Variants in KANSL1 observed in about 807,000 individuals in gnomAD.
KANSL1 encodes KAT8 regulatory NSL complex subunit 1, also known as MLL1/MLL complex subunit KANSL1.
A neutral mutation model predicts 103.6 loss-of-function variants in KANSL1; 22 were observed. The ratio of observed to expected loss-of-function variants is 0.21; its 90% CI spans 0.15 to 0.30. The LOEUF is 0.30. KANSL1 is among the 10% of genes least tolerant of loss of function. The probability of loss-of-function intolerance (pLI) is 1.00; values close to 1 mark genes in which losing one functional copy is unlikely to be tolerated. For missense variants in KANSL1, 1,337 were observed against 1,399.8 expected (o/e 0.96, Z 0.72); for synonymous variants, 600 against 527.6 (o/e 1.14, Z -1.88).
intron 1 of KANSL1, among the ~76,000 whole-genome samples, chr17:46,183,065 T>C (rs1468020988): frequency 1.3e-5 from 2 of 152,210 alleles, no homozygotes; most frequent in Non-Finnish European, 1.5e-5. Context: ...GCAATCCTCA[T>C]ACAGGCTGAG....
At chr17:46,162,509 A>G (rs1175278966) in intron 2 of KANSL1, among the ~76,000 whole-genome samples, 1 of 152,246 alleles carries the variant, frequency 6.6e-6, no homozygotes, top group Non-Finnish European at 1.5e-5. Context: ...TGACATATCC[A>G]TCCAATGTAG....
At chr17:46,116,713 C>T (rs1279883756) in intron 2 of KANSL1, among the ~76,000 whole-genome samples, 1 of 152,150 alleles carries the variant, frequency 6.6e-6, no homozygotes, top group Admixed American at 6.5e-5. Flanking sequence ...AATCTTTAAC[C>T]TTAACTCTAA....
chr17:46,209,354 G>A (rs1308929355), intron 1 of KANSL1, among the ~76,000 whole-genome samples: 52 of 152,158 alleles, frequency 3.4e-4, no homozygotes, highest in Non-Finnish European at 7.3e-4. Context: ...AGGTAGAGGG[G>A]AAAAGCTATC....
intron 6 of KANSL1, among the ~76,000 whole-genome samples, chr17:46,063,944 C>G (rs941093562): frequency 3.6e-5 from 5 of 140,226 alleles, no homozygotes; most frequent in Non-Finnish European, 6.1e-5. Flanking sequence ...TTAAATTCAT[C>G]AAGGAATTGA....
chr17:46,125,191 G>C (rs72628326), intron 2 of KANSL1, among the ~76,000 whole-genome samples: 5,052 of 152,004 alleles, frequency 0.033, 146 homozygotes, highest in East Asian at 0.15. Flanking sequence ...CCATCAACAT[G>C]GAGATAGGAC....
intron 1 of KANSL1, among the ~76,000 whole-genome samples, chr17:46,183,165 C>T (rs998506008): frequency 1.4e-4 from 21 of 152,302 alleles, no homozygotes; most frequent in Non-Finnish European, 2.2e-4. Context: ...CAGTGGCAGG[C>T]GCCTGTATTT....
chr17:46,173,369 G>A (rs1223293322), intron 1 of KANSL1, among the ~76,000 whole-genome samples: 3 of 152,114 alleles, frequency 2.0e-5, no homozygotes, highest in Non-Finnish European at 4.4e-5. Flanking sequence ...ACACTATTCC[G>A]CATCCTGTTT....
intron 1 of KANSL1, among the ~76,000 whole-genome samples, chr17:46,220,094 C>G (rs1314304466): frequency 1.3e-5 from 2 of 152,062 alleles, no homozygotes; most frequent in East Asian, 1.9e-4. Context: ...CAGAGTGAGG[C>G]TCCGTCTCAA....
rs191444857 is a variant in KANSL1 at position 46,072,460 on chromosome 17, G to A, written c.1534-4793C>T. Among the ~76,000 whole-genome samples, 18 of 152,186 alleles carry A rather than the reference G, an allele frequency of 1.2e-4. No individual in the cohort carries two copies. The East Asian group carries it at 3.5e-3, about 29-fold the overall frequency. The stretch of plus-strand genomic sequence containing the variant: ...AAAATGGAAAGAAAATGCTAACTGG[G>A]TGACAGGAATTTAACTTATTCCTGG... On this transcript the variant is annotated intron_variant, in intron 4 of 14. Coordinates refer to ENST00000432791, the MANE Select transcript of KANSL1 (RefSeq NM_015443.4).
At chr17:46,208,642 T>C (rs1273839001) in intron 1 of KANSL1, among the ~76,000 whole-genome samples, 4 of 140,712 alleles carry the variant, frequency 2.8e-5, no homozygotes, top group Non-Finnish European at 6.1e-5. Flanking sequence ...AAAAAAGATA[T>C]GTAGTACTCC....
At chr17:46,139,285 C>A (rs1245139560) in intron 2 of KANSL1, among the ~76,000 whole-genome samples, 1 of 136,644 alleles carries the variant, frequency 7.3e-6, no homozygotes, top group Non-Finnish European at 1.5e-5. Context: ...AGTTTAAAAT[C>A]TTTCATAGGC....
chr17:46,078,414 AG>A (rs2078865912), intron 4 of KANSL1, among the ~76,000 whole-genome samples: 1 of 152,234 alleles, frequency 6.6e-6, no homozygotes, highest in Non-Finnish European at 1.5e-5. Flanking sequence ...TGTGCAGGTC[AG>A]GGGTGAGCAC....
intron 10 of KANSL1, chr17:46,038,213 G>T: frequency 3.3e-6 from 1 of 305,274 alleles, no homozygotes; most frequent in Non-Finnish European, 6.1e-6. Flanking sequence ...CCACGGAACT[G>T]TTGAGTCCTG....
At chr17:46,066,768 A>G in intron 5 of KANSL1, 36 bp from the exon 6 acceptor site, 1 of 1,447,940 alleles carries the variant, frequency 6.9e-7, no homozygotes, top group South Asian at 1.2e-5. Context: ...CTCAGAACAC[A>G]CAAAGAAACA....
At chr17:46,136,474 C>T (rs1433386785) in intron 2 of KANSL1, among the ~76,000 whole-genome samples, 4 of 152,190 alleles carry the variant, frequency 2.6e-5, no homozygotes, top group Admixed American at 6.5e-5. Context: ...CCTACAAATG[C>T]TAAGGAGTAA....
At chr17:46,116,005 T>C (rs1019932011) in intron 2 of KANSL1, among the ~76,000 whole-genome samples, 2 of 152,194 alleles carry the variant, frequency 1.3e-5, no homozygotes, top group African/African-American at 2.4e-5. Flanking sequence ...TTCTGATTGG[T>C]TTTATAACTC....
intron 1 of KANSL1, among the ~76,000 whole-genome samples, chr17:46,189,748 G>T (rs2047216818): frequency 6.6e-6 from 1 of 152,130 alleles, no homozygotes; most frequent in South Asian, 2.1e-4. Flanking sequence ...AGCTGGGCAT[G>T]GTGGCACACG....
intron 1 of KANSL1, chr17:46,215,219 G>A (rs1364198750): frequency 6.6e-6 from 1 of 152,534 alleles, no homozygotes; most frequent in Non-Finnish European, 1.5e-5. Flanking sequence ...GAACAGGGTA[G>A]AGTCCATCTT....
At chr17:46,147,373 C>T (rs9905735) in intron 2 of KANSL1, among the ~76,000 whole-genome samples, 229 of 152,098 alleles carry the variant, frequency 1.5e-3, no homozygotes, top group African/African-American at 3.7e-3. Context: ...CAGGAGTTCA[C>T]GACCAGTGTG....
Sources: gnomAD v4.1 joint callset for allele counts (sites outside exome capture counted in the v4.1 genomes callset) on GRCh38, gnomAD v4.1.1 for gene constraint, MANE v1.5 for transcripts, NCBI Gene and HGNC (gene_info 2026-07-23, HGNC 2026-07-21) for gene names.